The following LRRTM4 variants were observed in gnomAD, a reference collection of about 807,000 sequenced individuals.
LRRTM4 encodes leucine rich repeat transmembrane neuronal 4, also known as leucine-rich repeat transmembrane neuronal protein 4.
A neutral mutation model predicts 47.6 loss-of-function variants in LRRTM4; 25 were observed. The ratio of observed to expected loss-of-function variants is 0.53; its 90% confidence interval spans 0.38 to 0.73. LRRTM4 has a LOEUF of 0.73. Ranked by LOEUF, LRRTM4 falls within the 30% of genes least tolerant of loss-of-function variation. LRRTM4 has a pLI of 0.00. For missense variants in LRRTM4, 638 were observed against 713.4 expected (o/e 0.89, Z 1.20); for synonymous variants, 311 against 269.5 (o/e 1.15, Z -1.51).
At chr2:77,413,499 T>C (rs2103864723) in intron 3 of LRRTM4, among the ~76,000 whole-genome samples, 1 of 152,266 alleles carries the variant, frequency 6.6e-6, no homozygotes, top group East Asian at 1.9e-4. Context: ...GAATGTAGTA[T>C]TTGCCCTATT....
intron 3 of LRRTM4, among the ~76,000 whole-genome samples, chr2:77,101,487 A>C (rs1418041605): frequency 1.3e-5 from 2 of 152,196 alleles, no homozygotes; most frequent in African/African-American, 4.8e-5. Flanking sequence ...ATATTATGCC[A>C]AGCAATATAT....
chr2:77,166,790 T>G (rs946832654), intron 3 of LRRTM4, among the ~76,000 whole-genome samples: 2 of 152,098 alleles, frequency 1.3e-5, no homozygotes, highest in South Asian at 4.1e-4. Context: ...CCTTACACCT[T>G]ATACAAAAAT....
intron 3 of LRRTM4, among the ~76,000 whole-genome samples, chr2:77,364,129 CAA>C (rs759185066): frequency 1.8e-4 from 20 of 108,376 alleles, no homozygotes; most frequent in Middle Eastern, 5.0e-3. Context: ...TGGATGACTA[CAA>C]AAAAAAAAAA....
chr2:77,293,151 C>T (rs1418008045), intron 3 of LRRTM4, among the ~76,000 whole-genome samples: 4 of 151,804 alleles, frequency 2.6e-5, no homozygotes, highest in East Asian at 3.9e-4. Flanking sequence ...AATGTATAAT[C>T]GGGAAGAAAA....
intron 3 of LRRTM4, among the ~76,000 whole-genome samples, chr2:77,168,388 C>G (rs569844409): frequency 1.3e-5 from 2 of 152,082 alleles, no homozygotes; most frequent in South Asian, 2.1e-4. Context: ...CTTATTATCT[C>G]TTTTACATTT....
chr2:77,306,102 A>G (rs1677264391), intron 3 of LRRTM4, among the ~76,000 whole-genome samples: 1 of 152,148 alleles, frequency 6.6e-6, no homozygotes, highest in African/African-American at 2.4e-5. Flanking sequence ...ATGTTTGGGT[A>G]TACATAATTA....
At chr2:76,869,805 A>C (rs942637703) in intron 3 of LRRTM4, among the ~76,000 whole-genome samples, 1 of 152,230 alleles carries the variant, frequency 6.6e-6, no homozygotes, top group African/African-American at 2.4e-5. Flanking sequence ...CAATGACAAG[A>C]AAATATTGTA....
At chr2:76,801,278 T>C (rs908524266) in intron 3 of LRRTM4, among the ~76,000 whole-genome samples, 6 of 151,994 alleles carry the variant, frequency 3.9e-5, no homozygotes, top group African/African-American at 1.5e-4. Context: ...TGTCCAACAA[T>C]GATAGACTGG....
At chr2:76,784,780 T>A (rs946945894) in intron 3 of LRRTM4, among the ~76,000 whole-genome samples, 1 of 149,296 alleles carries the variant, frequency 6.7e-6, no homozygotes, top group African/African-American at 2.4e-5. Flanking sequence ...TTGAATTCTT[T>A]TTGTATGGTT....
intron 3 of LRRTM4, among the ~76,000 whole-genome samples, chr2:76,970,673 A>G (rs1454708287): frequency 1.3e-5 from 2 of 152,058 alleles, no homozygotes; most frequent in Non-Finnish European, 2.9e-5. Flanking sequence ...ATCTTCACAT[A>G]TGTTCTGCCA....
At chr2:76,966,612 G>A (rs1056606223) in intron 3 of LRRTM4, among the ~76,000 whole-genome samples, 5 of 151,396 alleles carry the variant, frequency 3.3e-5, no homozygotes, top group Non-Finnish European at 5.9e-5. Flanking sequence ...TCCTTTGTAA[G>A]TAATTTCTTG....
intron 3 of LRRTM4, among the ~76,000 whole-genome samples, chr2:77,033,467 C>T (rs554959008): frequency 1.3e-5 from 2 of 151,796 alleles, no homozygotes; most frequent in South Asian, 2.1e-4. Context: ...TATATGATAT[C>T]GGCCATGGAG....
chr2:77,508,585 T>G (rs1249486298), intron 3 of LRRTM4, among the ~76,000 whole-genome samples: 1 of 152,178 alleles, frequency 6.6e-6, no homozygotes, highest in Non-Finnish European at 1.5e-5. Context: ...GTTTGTTTTT[T>G]GTCAGTAGTG....
intron 3 of LRRTM4, among the ~76,000 whole-genome samples, chr2:76,994,785 A>T (rs1677140811): frequency 6.6e-6 from 1 of 152,130 alleles, no homozygotes; most frequent in African/African-American, 2.4e-5. Flanking sequence ...TAATTACATA[A>T]AAGTGTATTA....
At chr2:77,393,397 G>A (rs906900300) in intron 3 of LRRTM4, among the ~76,000 whole-genome samples, 3 of 151,918 alleles carry the variant, frequency 2.0e-5, no homozygotes, top group African/African-American at 4.8e-5. Flanking sequence ...AAGAGAAAAG[G>A]TACATAATTC....
At chr2:76,878,947 CCAGTCAGAA>C (rs1348616148) in intron 3 of LRRTM4, among the ~76,000 whole-genome samples, 1 of 152,160 alleles carries the variant, frequency 6.6e-6, no homozygotes, top group East Asian at 1.9e-4. Context: ...GAACATCAAA[CCAGTCAGAA>C]CAGTCCCAGC....
chr2:76,800,539 A>C (rs1231919517), intron 3 of LRRTM4, among the ~76,000 whole-genome samples: 3 of 147,618 alleles, frequency 2.0e-5, no homozygotes, highest in African/African-American at 7.6e-5. Flanking sequence ...GGACATAGGC[A>C]TGGGCAAGGA....
intron 3 of LRRTM4, among the ~76,000 whole-genome samples, chr2:77,180,925 C>T (rs994375676): frequency 3.3e-5 from 5 of 152,138 alleles, no homozygotes; most frequent in Non-Finnish European, 4.4e-5. Flanking sequence ...AGTACACTTA[C>T]ATATATTATA....
At chr2:76,982,323 A>G (rs1164589291) in intron 3 of LRRTM4, among the ~76,000 whole-genome samples, 2 of 151,920 alleles carry the variant, frequency 1.3e-5, no homozygotes, top group African/African-American at 2.4e-5. Flanking sequence ...TATATATTTC[A>G]CTCTGACAAT....
Sources: gnomAD v4.1 joint callset for allele counts (sites outside exome capture counted in the v4.1 genomes callset) on GRCh38, gnomAD v4.1.1 for gene constraint, MANE v1.5 for transcripts, NCBI Gene and HGNC (gene_info 2026-07-23, HGNC 2026-07-21) for gene names.